LRGUK: variants seen among roughly 807,000 people sequenced by gnomAD.
LRGUK encodes the protein leucine rich repeats and guanylate kinase domain containing.
A neutral mutation model predicts 76.0 loss-of-function variants in LRGUK; 65 were observed. That is an observed-to-expected ratio of 0.85 (90% confidence interval 0.70 to 1.05). The LOEUF is 1.05. Ranked by LOEUF, LRGUK falls within the 50% of genes least tolerant of loss-of-function variation. The pLI, the probability that LRGUK is intolerant of heterozygous loss-of-function variation, is 0.00. For missense variants in LRGUK, 758 were observed against 732.8 expected (o/e 1.03, Z -0.40); for synonymous variants, 268 against 265.6 (o/e 1.01, Z -0.09).
At chr7:134,177,555 T>C (rs1170751018) in intron 9 of LRGUK, among the ~76,000 whole-genome samples, 1 of 152,168 alleles carries the variant, frequency 6.6e-6, no homozygotes, top group Admixed American at 6.5e-5. Flanking sequence ...GTCACAAAAT[T>C]CCAGAATAAC....
At chr7:134,135,989 G>C (rs1246826750) in intron 1 of LRGUK, among the ~76,000 whole-genome samples, 1 of 152,170 alleles carries the variant, frequency 6.6e-6, no homozygotes, top group Non-Finnish European at 1.5e-5. Context: ...GCCTACATGC[G>C]TATGTCATCA....
At chr7:134,140,728 G>A (rs1218775738) in intron 3 of LRGUK, among the ~76,000 whole-genome samples, 2 of 151,956 alleles carry the variant, frequency 1.3e-5, no homozygotes, top group African/African-American at 2.4e-5. Context: ...ACTTTTTAAC[G>A]ATTAAGAAAT....
At chr7:134,127,587 T>G in exon 1 of LRGUK, 1 of 1,614,194 alleles carries the variant, frequency 6.2e-7, no homozygotes, top group African/African-American at 1.3e-5. Flanking sequence ...GGAGCTGGAC[T>G]CGGACGGAGA....
intron 6 of LRGUK, among the ~76,000 whole-genome samples, chr7:134,161,646 G>T (rs867861581): frequency 1.3e-5 from 2 of 150,640 alleles, no homozygotes; most frequent in African/African-American, 4.9e-5. Flanking sequence ...ACCAGAAAAC[G>T]TGTACCAGGG....
chr7:134,258,100 A>G (rs1221722174), intron 18 of LRGUK, among the ~76,000 whole-genome samples, 157 bp from the exon 19 acceptor site: 3 of 152,182 alleles, frequency 2.0e-5, no homozygotes, highest in Admixed American at 1.3e-4. Flanking sequence ...AGCACCTTCT[A>G]TAGACACTGT....
chr7:134,185,001 G>A (rs1055567026), intron 11 of LRGUK, among the ~76,000 whole-genome samples: 5 of 152,208 alleles, frequency 3.3e-5, no homozygotes, highest in East Asian at 3.9e-4. Context: ...GCACTGGAGC[G>A]TCTTTGTCTC....
chr7:134,134,673 T>C (rs1203528536), intron 1 of LRGUK, among the ~76,000 whole-genome samples: 1 of 152,206 alleles, frequency 6.6e-6, no homozygotes, highest in African/African-American at 2.4e-5. Flanking sequence ...GGGGGCCAGA[T>C]GAACTTTAAA....
In LRGUK at chr7:134,250,749, T is replaced by C. The variant is rs1802422934; in HGVS notation, c.2198+1673T>C. Among the ~76,000 whole-genome samples, 3 of 152,304 alleles carry C rather than the reference T, an allele frequency of 2.0e-5. 1 individual carries two copies. In the South Asian group the frequency reaches 6.2e-4, roughly 32 times the overall value. ...GTGTTGAAACTGTGATCTCTGAGGA[T>C]TTGTTTGAGCTCTGAATTGTTAGTA... is the stretch of plus-strand genomic sequence containing the variant. On this transcript the variant is annotated intron_variant, in intron 18 of 19. Transcript: ENST00000285928.
At chr7:134,219,923 C>T (rs1476596540) in intron 15 of LRGUK, among the ~76,000 whole-genome samples, 1 of 152,168 alleles carries the variant, frequency 6.6e-6, no homozygotes, top group African/African-American at 2.4e-5. Context: ...TGCCATCTCT[C>T]ATGCTGTCCC....
At chr7:134,157,964 T>C in intron 5 of LRGUK, 71 bp from the exon 6 acceptor site, 1 of 1,432,418 alleles carries the variant, frequency 7.0e-7, no homozygotes, top group Non-Finnish European at 9.7e-7. Flanking sequence ...TAGTGATGAT[T>C]TAACACTGAT....
intron 3 of LRGUK, 82 bp downstream of exon 3, chr7:134,139,599 C>T (rs1486682631): frequency 3.6e-6 from 3 of 825,202 alleles, no homozygotes; most frequent in Non-Finnish European, 3.9e-6. Flanking sequence ...TTAATAATGC[C>T]AGACTTGATA....
chr7:134,148,689 G>T (rs889565682), intron 5 of LRGUK, among the ~76,000 whole-genome samples: 1 of 152,120 alleles, frequency 6.6e-6, no homozygotes, highest in Admixed American at 6.5e-5. Flanking sequence ...ACTTTGGGAG[G>T]CCAAGGCAGG....
chr7:134,182,254 T>C (rs918955737), intron 10 of LRGUK, among the ~76,000 whole-genome samples: 8 of 152,220 alleles, frequency 5.3e-5, no homozygotes, highest in Non-Finnish European at 1.2e-4. Context: ...TGCTTACCTG[T>C]TGAAAGACAT....
intron 19 of LRGUK, among the ~76,000 whole-genome samples, chr7:134,259,838 G>A (rs1230365273): frequency 1.3e-5 from 2 of 152,234 alleles, no homozygotes; most frequent in East Asian, 1.9e-4. Context: ...CGAGGGAACC[G>A]GGAGTTCTAG....
downstream of LRGUK, among the ~76,000 whole-genome samples, chr7:134,214,938 C>A (rs1801396656): frequency 6.6e-6 from 1 of 151,968 alleles, no homozygotes; most frequent in Non-Finnish European, 1.5e-5. Context: ...AAGTTAGATG[C>A]TGTGTTATGG....
At chr7:134,163,528 G>A (rs370518299) in exon 7 of LRGUK, 3 of 1,611,950 alleles carry the variant, frequency 1.9e-6, no homozygotes, top group Non-Finnish European at 1.7e-6. Context: ...TGATCAACCT[G>A]GAGGATAATA....
At chr7:134,213,090 C>T (rs148806527), downstream of LRGUK, among the ~76,000 whole-genome samples, 5 of 152,274 alleles carry the variant, frequency 3.3e-5, no homozygotes, top group East Asian at 5.8e-4. Flanking sequence ...GAACCACGTA[C>T]GCCTAAGCAG....
intron 6 of LRGUK, among the ~76,000 whole-genome samples, chr7:134,161,512 C>A (rs1051933073): frequency 1.3e-5 from 2 of 151,758 alleles, no homozygotes; most frequent in Non-Finnish European, 2.9e-5. Flanking sequence ...TGTAGATTAT[C>A]GGCATTCTAT....
At chr7:134,267,427 G>A (rs1035836535), downstream of LRGUK, among the ~76,000 whole-genome samples, 4 of 152,264 alleles carry the variant, frequency 2.6e-5, no homozygotes, top group South Asian at 8.3e-4. Context: ...GGTGAGGGGT[G>A]ATATGGTTTG....
Sources: gnomAD v4.1 joint callset for allele counts (sites outside exome capture counted in the v4.1 genomes callset) on GRCh38, gnomAD v4.1.1 for gene constraint, MANE v1.5 for transcripts, NCBI Gene and HGNC (gene_info 2026-07-23, HGNC 2026-07-21) for gene names.